Variants in PREX1 observed in about 807,000 individuals in gnomAD.
PREX1 encodes the protein phosphatidylinositol-3,4,5-trisphosphate dependent Rac exchange factor 1.
A neutral mutation model predicts 198.3 loss-of-function variants in PREX1; 41 were observed. That is an observed-to-expected ratio of 0.21 (90% CI 0.16 to 0.27). The LOEUF is 0.27. PREX1 is among the 10% of genes least tolerant of loss of function. The pLI is 1.00. For synonymous variants in PREX1, 843 were observed against 887.2 expected, an observed-to-expected ratio of 0.95 and a Z score of 0.89; for missense variants, 1,620 against 2,200.7, an observed-to-expected ratio of 0.74 and a Z score of 5.28.
Position 48,642,492 on chromosome 20 carries a change from G to C in PREX1, c.3602-3C>G, listed in dbSNP as rs1406870912. The C allele has an allele frequency of 6.2e-7, 1 of 1,609,262 alleles. No individual in the cohort carries two copies. Among genetic ancestry groups the C allele is most frequent in the East Asian group, 2.2e-5 (1 of 44,746 alleles). On this transcript the variant is annotated splice_region_variant and splice_polypyrimidine_tract_variant and intron_variant, in intron 27 of 39. Transcript: ENST00000371941. Reference sequence around the variant, plus strand: ...CATGTCACAGGGCAGCTCATCTCCTGGCAGGAGGTAGAAGCAGCAGCCATC... The same window carrying C: ...CATGTCACAGGGCAGCTCATCTCCTCGCAGGAGGTAGAAGCAGCAGCCATC...
At chr20:48,733,170 A>G (rs2090042248) in intron 4 of PREX1, among the ~76,000 whole-genome samples, 1 of 152,256 alleles carries the variant, frequency 6.6e-6, no homozygotes, top group South Asian at 2.1e-4. Flanking sequence ...GAGGCTCTCT[A>G]CAAGTGTAGG....
At chr20:48,858,323 G>GA in the PREX1 span, among the ~76,000 whole-genome samples, 1 of 152,220 alleles carries the variant, frequency 6.6e-6, no homozygotes, top group African/African-American at 2.4e-5. Flanking sequence ...CCACAGCCCT[G>GA]ATTTCCCACA....
the PREX1 span, among the ~76,000 whole-genome samples, chr20:48,874,939 C>T: frequency 6.6e-6 from 1 of 151,880 alleles, no homozygotes. Flanking sequence ...CCTTGGGTAC[C>T]CATGGGGAGT....
chr20:48,647,611 T>G (rs1166134123), intron 25 of PREX1, among the ~76,000 whole-genome samples: 5 of 150,670 alleles, frequency 3.3e-5, no homozygotes, highest in Non-Finnish European at 7.4e-5. Flanking sequence ...CCACCACATC[T>G]CCACAGTCAG....
At chr20:48,701,434 G>A (rs1035798680) in intron 6 of PREX1, among the ~76,000 whole-genome samples, 5 of 152,182 alleles carry the variant, frequency 3.3e-5, no homozygotes, top group Admixed American at 6.5e-5. Context: ...GGCTGGTCTT[G>A]AACTCCTGAC....
chr20:48,752,651 T>C (rs543245394), intron 1 of PREX1, among the ~76,000 whole-genome samples: 10 of 152,260 alleles, frequency 6.6e-5, no homozygotes, highest in African/African-American at 2.4e-4. Context: ...TGGATTCAGC[T>C]CCGGTGGCCC....
chr20:48,791,434 T>C (rs1307532693), intron 1 of PREX1, among the ~76,000 whole-genome samples: 1 of 152,146 alleles, frequency 6.6e-6, no homozygotes, highest in Non-Finnish European at 1.5e-5. Flanking sequence ...GTCAAGTCAT[T>C]TGCCCCAAGG....
At chr20:48,659,285 A>T (rs182417221) in intron 16 of PREX1, among the ~76,000 whole-genome samples, 1 of 130,226 alleles carries the variant, frequency 7.7e-6, no homozygotes, top group Non-Finnish European at 1.7e-5. Flanking sequence ...AGAGAGAGAA[A>T]GAAGAAAAGA....
At chr20:48,699,556 C>T (rs1414087395) in intron 7 of PREX1, among the ~76,000 whole-genome samples, 2 of 152,122 alleles carry the variant, frequency 1.3e-5, no homozygotes, top group Non-Finnish European at 2.9e-5. Context: ...CATCCATTCA[C>T]TCAGTAGTCC....
At chr20:48,778,124 C>T (rs533176763) in intron 1 of PREX1, among the ~76,000 whole-genome samples, 1 of 152,192 alleles carries the variant, frequency 6.6e-6, no homozygotes, top group Non-Finnish European at 1.5e-5. Flanking sequence ...TGTTTCCCTA[C>T]AGAAATTGGA....
chr20:48,752,968 G>A (rs879290227), intron 1 of PREX1, among the ~76,000 whole-genome samples: 7 of 152,088 alleles, frequency 4.6e-5, no homozygotes, highest in Admixed American at 2.0e-4. Context: ...TACTCTCGTC[G>A]ACTGGGGTAT....
chr20:48,872,250 T>C, the PREX1 span, among the ~76,000 whole-genome samples: 3 of 151,976 alleles, frequency 2.0e-5, no homozygotes, highest in Non-Finnish European at 2.9e-5. Flanking sequence ...GGCAGAATCA[T>C]CCACATGCGT....
intron 5 of PREX1, among the ~76,000 whole-genome samples, chr20:48,709,471 C>G (rs1404352005): frequency 6.6e-6 from 1 of 152,238 alleles, no homozygotes; most frequent in Non-Finnish European, 1.5e-5. Flanking sequence ...CGGGCCTCGG[C>G]TTCATCATCT....
chr20:48,876,553 G>T, the PREX1 span, among the ~76,000 whole-genome samples: 1 of 151,970 alleles, frequency 6.6e-6, no homozygotes, highest in African/African-American at 2.4e-5. Flanking sequence ...GTGTGATCTC[G>T]CCTGGGAGGC....
At chr20:48,651,713 A>C in intron 21 of PREX1, 130 bp from the exon 22 acceptor site, 2 of 839,330 alleles carry the variant, frequency 2.4e-6, no homozygotes, top group Non-Finnish European at 3.6e-6. Context: ...GCAGGAGTAC[A>C]TTCCGCCAGA....
intron 13 of PREX1, among the ~76,000 whole-genome samples, chr20:48,677,092 T>C (rs188346202): frequency 1.6e-3 from 242 of 152,324 alleles, no homozygotes; most frequent in African/African-American, 5.6e-3. Context: ...TAAAGTCTAG[T>C]TGGAGGATTT....
the PREX1 span, among the ~76,000 whole-genome samples, chr20:48,856,315 G>A: frequency 8.5e-5 from 13 of 152,218 alleles, no homozygotes; most frequent in Non-Finnish European, 1.6e-4. Context: ...GGCTGCACAG[G>A]GTCCAGTAGG....
At chr20:48,645,817 C>T (rs777034404) in intron 26 of PREX1, 34 bp downstream of exon 26, 2 of 1,608,394 alleles carry the variant, frequency 1.2e-6, no homozygotes, top group Non-Finnish European at 1.7e-6. Context: ...GGGCCATCCT[C>T]ATCTAACCTC....
At chr20:48,806,608 C>T (rs1181896593) in intron 1 of PREX1, among the ~76,000 whole-genome samples, 2 of 152,146 alleles carry the variant, frequency 1.3e-5, no homozygotes, top group East Asian at 3.8e-4. Context: ...AAGGACAAAA[C>T]TAAGGTTCAA....
Sources: gnomAD v4.1 joint callset for allele counts (sites outside exome capture counted in the v4.1 genomes callset) on GRCh38, gnomAD v4.1.1 for gene constraint, MANE v1.5 for transcripts, NCBI Gene and HGNC (gene_info 2026-07-23, HGNC 2026-07-21) for gene names.